The following ZFAT variants were observed in gnomAD, a reference collection of about 807,000 sequenced individuals.
ZFAT encodes zinc finger protein ZFAT.
ZFAT carries 64 observed loss-of-function variants against 117.7 expected under a neutral mutation model. The observed-to-expected ratio is 0.54, with a 90% CI of 0.44 to 0.67. ZFAT has a LOEUF of 0.67. Among genes scored for constraint, ZFAT ranks in the 30% least tolerant of loss-of-function variants. The probability of loss-of-function intolerance (pLI) is 0.00; values close to 1 mark genes in which losing one functional copy is unlikely to be tolerated. For missense variants in ZFAT, 1,433 were observed against 1,584.5 expected (o/e 0.90, Z 1.62); for synonymous variants, 679 against 615.0 (o/e 1.10, Z -1.54).
the ZFAT span, among the ~76,000 whole-genome samples, chr8:134,816,114 G>T: frequency 6.6e-6 from 1 of 152,140 alleles, no homozygotes; most frequent in Non-Finnish European, 1.5e-5. Context: ...CACTAGTCCA[G>T]GCTCTTTACA....
chr8:134,813,208 C>CA, the ZFAT span, among the ~76,000 whole-genome samples: 2 of 152,176 alleles, frequency 1.3e-5, no homozygotes, highest in African/African-American at 4.8e-5. Flanking sequence ...AATTCATACA[C>CA]AATCTGGTTG....
chr8:134,665,705 C>CT (rs5895255), intron 1 of ZFAT, among the ~76,000 whole-genome samples: 62,488 of 152,028 alleles, frequency 0.41, 13,241 homozygotes, highest in African/African-American at 0.52. Flanking sequence ...AGTGTGGTGT[C>CT]TGTATCCTTC....
intron 15 of ZFAT, among the ~76,000 whole-genome samples, chr8:134,486,087 A>T (rs1817635749): frequency 6.6e-6 from 1 of 152,248 alleles, no homozygotes; most frequent in African/African-American, 2.4e-5. Flanking sequence ...ATAAGTGATG[A>T]ATAAAGGAAT....
chr8:134,550,325 A>AAAAACAAC (rs1554643708), intron 11 of ZFAT, among the ~76,000 whole-genome samples: 3 of 150,536 alleles, frequency 2.0e-5, no homozygotes, highest in African/African-American at 7.4e-5. Context: ...AAAAAAAAAA[A>AAAAACAAC]AAAAAAACAG....
chr8:134,615,950 C>T (rs910301369), intron 3 of ZFAT, among the ~76,000 whole-genome samples: 2 of 152,174 alleles, frequency 1.3e-5, no homozygotes, highest in South Asian at 2.1e-4. Context: ...AAAAAGAACA[C>T]GCATGCTCGC....
At chr8:134,569,161 T>G (rs951320866) in intron 10 of ZFAT, among the ~76,000 whole-genome samples, 1 of 152,284 alleles carries the variant, frequency 6.6e-6, no homozygotes, top group East Asian at 1.9e-4. Context: ...GTGTAAAATC[T>G]TACCATGCAC....
intron 10 of ZFAT, among the ~76,000 whole-genome samples, chr8:134,570,118 G>A (rs1445506387): frequency 1.3e-5 from 2 of 151,944 alleles, no homozygotes; most frequent in South Asian, 2.1e-4. Flanking sequence ...ACCTACCTCC[G>A]GGCCTCTGCA....
At chr8:134,607,218 T>G (rs1174424356) in intron 5 of ZFAT, among the ~76,000 whole-genome samples, 1 of 152,192 alleles carries the variant, frequency 6.6e-6, no homozygotes, top group African/African-American at 2.4e-5. Flanking sequence ...CAACCTGACT[T>G]GAAACACAGA....
At chr8:134,610,355 G>C in intron 4 of ZFAT, 115 bp downstream of exon 4, 1 of 1,143,382 alleles carries the variant, frequency 8.7e-7, no homozygotes, top group Non-Finnish European at 1.2e-6. Flanking sequence ...TGATTAAATG[G>C]AGAGCCCCAC....
chr8:134,693,658 C>T (rs1176679530), intron 1 of ZFAT, among the ~76,000 whole-genome samples: 2 of 151,938 alleles, frequency 1.3e-5, no homozygotes, highest in South Asian at 4.2e-4. Flanking sequence ...CTAGTAAATG[C>T]GGAAGAAATG....
rs1821615039 is a variant in ZFAT at position 134,533,847 on chromosome 8, G to A, written c.2977-875C>T. On this transcript the variant is annotated intron_variant, in intron 11 of 15. Transcript: ENST00000377838. ...CTCAGTGAGACCTGGCCTTTGGCTG[G>A]TCGACGGATGGGCATCTCCATCACT... 1.3e-5 allele frequency among the ~76,000 whole-genome samples: 2 copies of A among 152,220 alleles called. 1 individual carries two copies. The highest frequency in any genetic ancestry group is 4.1e-4 in the South Asian group (2 of 4,828).
chr8:134,607,336 G>C (rs1827963259), intron 5 of ZFAT, among the ~76,000 whole-genome samples: 3 of 152,200 alleles, frequency 2.0e-5, no homozygotes, highest in Non-Finnish European at 4.4e-5. Context: ...GAGGATTGAA[G>C]CTACAAATTA....
intron 2 of ZFAT, among the ~76,000 whole-genome samples, chr8:134,654,256 T>C (rs1184774395): frequency 6.6e-6 from 1 of 152,000 alleles, no homozygotes; most frequent in Non-Finnish European, 1.5e-5. Context: ...GATCACGCCA[T>C]TGCACTCCAG....
At chr8:134,608,037 G>T (rs1175025146) in intron 5 of ZFAT, among the ~76,000 whole-genome samples, 1 of 152,138 alleles carries the variant, frequency 6.6e-6, no homozygotes, top group Non-Finnish European at 1.5e-5. Flanking sequence ...TGCATTGTCC[G>T]TAATAGTAAA....
At chr8:134,828,765 C>T in the ZFAT span, among the ~76,000 whole-genome samples, 4 of 152,252 alleles carry the variant, frequency 2.6e-5, no homozygotes, top group South Asian at 4.1e-4. Context: ...TCCAAATAAA[C>T]GCAAATGCAT....
At chr8:134,674,524 G>T (rs1045864776) in intron 1 of ZFAT, among the ~76,000 whole-genome samples, 1 of 152,208 alleles carries the variant, frequency 6.6e-6, no homozygotes, top group African/African-American at 2.4e-5. Context: ...TCCCTGGGAC[G>T]GAGCACCTGT....
chr8:134,830,944 G>GA, the ZFAT span, among the ~76,000 whole-genome samples: 55 of 152,204 alleles, frequency 3.6e-4, no homozygotes, highest in African/African-American at 1.1e-3. Context: ...AATTAAACAG[G>GA]AAAAAAATCA....
At chr8:134,555,969 AGGGAGGGAGGGAAGGAGGGAAGGC>A (rs1823565626) in intron 11 of ZFAT, among the ~76,000 whole-genome samples, 1 of 118,460 alleles carries the variant, frequency 8.4e-6, no homozygotes, top group Non-Finnish European at 1.7e-5. Context: ...GGAGGGAAGG[AGGGAGGGAGGGAAGGAGGGAAGGC>A]GGGAGGGAGG....
chr8:134,576,498 A>G (rs991272722), intron 10 of ZFAT, among the ~76,000 whole-genome samples: 1 of 152,182 alleles, frequency 6.6e-6, no homozygotes, highest in Non-Finnish European at 1.5e-5. Context: ...CAAAAGGGAA[A>G]AGGATGCAGT....
Sources: allele counts gnomAD v4.1 joint callset (sites outside exome capture counted in the v4.1 genomes callset), GRCh38; gene constraint gnomAD v4.1.1; transcripts MANE v1.5; gene names NCBI Gene and HGNC (gene_info 2026-07-23, HGNC 2026-07-21).